Variants in RALGPS1 observed in about 807,000 individuals in gnomAD.
The protein encoded by RALGPS1 is ras-specific guanine nucleotide-releasing factor RalGPS1.
RALGPS1 carries 19 observed loss-of-function variants against 78.8 expected under a neutral mutation model. The observed-to-expected ratio is 0.24, with a 90% CI of 0.17 to 0.35. The LOEUF is 0.35. Ranked by LOEUF, RALGPS1 falls within the 10% of genes least tolerant of loss-of-function variation. The pLI is 1.00. For synonymous variants in RALGPS1, 228 were observed against 256.3 expected (o/e 0.89, Z 1.06); for missense variants, 454 against 688.3 (o/e 0.66, Z 3.81).
chr9:127,174,649 GC>G, intron 10 of RALGPS1, 65 bp from the exon 11 acceptor site: 1 of 1,435,202 alleles, frequency 7.0e-7, no homozygotes, highest in Non-Finnish European at 9.8e-7. Flanking sequence ...GCTTTTCCCA[GC>G]CCCAAACAGG....
At chr9:127,195,283 G>C in intron 12 of RALGPS1, 66 bp downstream of exon 12, 11 of 1,570,686 alleles carry the variant, frequency 7.0e-6, no homozygotes, top group Non-Finnish European at 9.5e-6. Flanking sequence ...TGGGCACAGT[G>C]CAGGGAATCA....
chr9:127,000,292 T>G (rs2043169203), intron 4 of RALGPS1, among the ~76,000 whole-genome samples: 1 of 152,266 alleles, frequency 6.6e-6, no homozygotes, highest in Non-Finnish European at 1.5e-5. Flanking sequence ...AAGTCAATGA[T>G]TTGAGCGCTT....
intron 4 of RALGPS1, among the ~76,000 whole-genome samples, chr9:127,029,981 A>G (rs1474896630): frequency 6.6e-6 from 1 of 152,192 alleles, no homozygotes; most frequent in South Asian, 2.1e-4. Flanking sequence ...GGGTATTAAG[A>G]CTAAGTTTTT....
rs1198268378 is a variant in RALGPS1 at position 127,199,082 on chromosome 9, GC to G, written c.1247+17del. On this transcript the variant is annotated intron_variant, in intron 14 of 18. Coordinates refer to ENST00000259351, the MANE Select transcript of RALGPS1 (RefSeq NM_014636.3). Reference sequence around the variant, plus strand: ...GGCTGGAAAGGTGAGTGTGGCCTCAGCATGGCCTCCCTCCCAGGGGCGGTGC... The same window carrying G: ...GGCTGGAAAGGTGAGTGTGGCCTCAGATGGCCTCCCTCCCAGGGGCGGTGC... The G allele has an allele frequency of 3.1e-6, 5 of 1,611,834 alleles. No homozygotes were observed. The South Asian group carries it at 4.4e-5, about 14-fold the overall frequency.
chr9:127,103,984 C>G (rs2053983732), intron 8 of RALGPS1, among the ~76,000 whole-genome samples: 1 of 152,172 alleles, frequency 6.6e-6, no homozygotes, highest in Non-Finnish European at 1.5e-5. Flanking sequence ...GTTACTTGAC[C>G]TCTATGAACC....
chr9:127,207,420 G>A (rs890632343), intron 14 of RALGPS1, among the ~76,000 whole-genome samples: 2 of 152,178 alleles, frequency 1.3e-5, no homozygotes, highest in Non-Finnish European at 2.9e-5. Flanking sequence ...AGGACACTGT[G>A]TTCAGCCACA....
intron 1 of RALGPS1, among the ~76,000 whole-genome samples, chr9:126,917,928 T>G (rs755792211): frequency 4.6e-5 from 7 of 152,226 alleles, no homozygotes; most frequent in Non-Finnish European, 7.3e-5. Flanking sequence ...CGTCATCTTT[T>G]CTTCAAAGGC....
At chr9:126,989,819 C>G in intron 4 of RALGPS1, 3 of 1,526,768 alleles carry the variant, frequency 2.0e-6, no homozygotes, top group Non-Finnish European at 2.6e-6. Flanking sequence ...TTTCACCCTT[C>G]CTGCATCAGG....
intron 3 of RALGPS1, among the ~76,000 whole-genome samples, chr9:126,975,973 T>C (rs554119093): frequency 5.3e-5 from 8 of 152,324 alleles, no homozygotes; most frequent in African/African-American, 1.7e-4. Context: ...GGCTCTCCAC[T>C]GAAGCCAGCT....
intron 3 of RALGPS1, among the ~76,000 whole-genome samples, chr9:126,970,694 G>C (rs1246733431): frequency 1.3e-5 from 2 of 152,160 alleles, no homozygotes; most frequent in African/African-American, 4.8e-5. Flanking sequence ...AACACTACAT[G>C]AAAGCAACCT....
At chr9:127,024,055 A>AAAAAAAAAC (rs2045739547) in intron 4 of RALGPS1, among the ~76,000 whole-genome samples, 1 of 150,288 alleles carries the variant, frequency 6.7e-6, no homozygotes, top group East Asian at 1.9e-4. Context: ...AAAAAAAAAA[A>AAAAAAAAAC]GGACAGAAGC....
intron 14 of RALGPS1, among the ~76,000 whole-genome samples, chr9:127,209,767 C>T (rs1442549549): frequency 6.6e-6 from 1 of 152,144 alleles, no homozygotes; most frequent in Non-Finnish European, 1.5e-5. Context: ...TACGATGTAC[C>T]TGCTGCAATG....
intron 1 of RALGPS1, among the ~76,000 whole-genome samples, chr9:126,950,172 T>TA (rs1397539247): frequency 6.6e-6 from 1 of 152,242 alleles, no homozygotes; most frequent in Non-Finnish European, 1.5e-5. Flanking sequence ...CATTGATCTA[T>TA]ATCTCTGTTT....
In RALGPS1 at chr9:127,149,559, C is replaced by T. The variant is rs117159838; in HGVS notation, c.611-16510C>T. 2.4e-3 allele frequency among the ~76,000 whole-genome samples: 372 copies of T among 152,372 alleles called. 1 individual carries two copies. Among genetic ancestry groups the T allele is most frequent in the Non-Finnish European group, 4.1e-3 (279 of 68,036 alleles). On this transcript the variant is annotated intron_variant, in intron 8 of 18. Transcript: ENST00000259351. ...ATGTTTCCAGTCCCCAGCAGGACAT[C>T]TGCCCCCTCTGAGGGCAAGGCCTGT... is the stretch of plus-strand genomic sequence containing the variant.
intron 5 of RALGPS1, among the ~76,000 whole-genome samples, chr9:127,043,967 T>C (rs1365044348): frequency 6.6e-6 from 1 of 152,156 alleles, no homozygotes; most frequent in Non-Finnish European, 1.5e-5. Context: ...CAACACAAAC[T>C]CTTATTCATT....
chr9:127,013,616 C>G (rs2044554363), intron 4 of RALGPS1, among the ~76,000 whole-genome samples: 1 of 152,162 alleles, frequency 6.6e-6, no homozygotes, highest in Non-Finnish European at 1.5e-5. Context: ...ACACCCATGT[C>G]TGCCCCATCC....
chr9:127,007,027 C>T (rs1418015038), intron 4 of RALGPS1, among the ~76,000 whole-genome samples: 1 of 152,126 alleles, frequency 6.6e-6, no homozygotes. Context: ...TTGTGTACAA[C>T]ATTTCTCATG....
chr9:127,139,265 T>C (rs1019964530), intron 8 of RALGPS1, among the ~76,000 whole-genome samples: 6 of 152,202 alleles, frequency 3.9e-5, no homozygotes, highest in Admixed American at 2.0e-4. Flanking sequence ...GCTGCTGACC[T>C]GCCATTCCTG....
At chr9:127,156,111 T>G (rs938666884) in intron 8 of RALGPS1, among the ~76,000 whole-genome samples, 3 of 152,312 alleles carry the variant, frequency 2.0e-5, no homozygotes, top group South Asian at 2.1e-4. Context: ...TGGATATCTT[T>G]CCGTGTCAGT....
Sources: allele counts gnomAD v4.1 joint callset (sites outside exome capture counted in the v4.1 genomes callset), GRCh38; gene constraint gnomAD v4.1.1; transcripts MANE v1.5; gene names NCBI Gene and HGNC (gene_info 2026-07-23, HGNC 2026-07-21).